STK33: variants seen among roughly 807,000 people sequenced by gnomAD.
The protein encoded by STK33 is serine/threonine-protein kinase 33.
A neutral mutation model predicts 58.0 loss-of-function variants in STK33; 52 were observed. That is an observed-to-expected ratio of 0.90 (90% CI 0.72 to 1.13). The LOEUF is 1.13. Ranked by LOEUF, STK33 falls within the 50% of genes most tolerant of loss-of-function variation. The pLI, the probability that STK33 is intolerant of heterozygous loss-of-function variation, is 0.00. For missense variants in STK33, 630 were observed against 604.2 expected, an observed-to-expected ratio of 1.04 and a Z score of -0.45; for synonymous variants, 215 against 200.1, an observed-to-expected ratio of 1.07 and a Z score of -0.63.
chr11:8,354,573 A>G, the STK33 span, among the ~76,000 whole-genome samples: 1 of 151,270 alleles, frequency 6.6e-6, no homozygotes, highest in Admixed American at 6.6e-5. Context: ...CAGGTCTAGG[A>G]AGCAACTGGG....
Position 8,473,350 on chromosome 11 carries a change from T to C in STK33, c.226-74A>G, listed in dbSNP as rs531312221. 8.0e-6 allele frequency: 7 copies of C among 870,878 alleles called. No individual in the cohort carries two copies. In the African/African-American group the frequency reaches 1.2e-4, roughly 15 times the overall value. 53.9% of individuals were successfully genotyped at this position (870,878 alleles called of 1,614,324 possible). ...TCTTTGTTGACAAAGAATCCTAATT[T>C]AGATAATCTGATAACTCTTTAACGT... On this transcript the variant is annotated intron_variant, in intron 5 of 15. Coordinates refer to ENST00000687296, the MANE Select transcript of STK33 (RefSeq NM_001352389.2).
chr11:8,354,516 A>ACACACACACACACACACACACACC, the STK33 span, among the ~76,000 whole-genome samples: 6 of 127,654 alleles, frequency 4.7e-5, no homozygotes, highest in South Asian at 5.3e-4. Context: ...ACACACACAC[A>ACACACACACACACACACACACACC]CCCCTCAGAC....
intron 1 of STK33, among the ~76,000 whole-genome samples, chr11:8,525,107 G>GA (rs1402628698): frequency 6.6e-6 from 1 of 152,052 alleles, no homozygotes; most frequent in Non-Finnish European, 1.5e-5. Flanking sequence ...TAATATAAAA[G>GA]AATATGTAAA....
intron 14 of STK33, 78 bp from the exon 15 acceptor site, chr11:8,413,770 G>C: frequency 7.7e-7 from 1 of 1,298,532 alleles, no homozygotes; most frequent in South Asian, 1.3e-5. Flanking sequence ...TAGCGAGACA[G>C]TCTCCCAAAT....
At chr11:8,543,188 T>C (rs1327431149) in intron 1 of STK33, among the ~76,000 whole-genome samples, 1 of 152,134 alleles carries the variant, frequency 6.6e-6, no homozygotes, top group Non-Finnish European at 1.5e-5. Context: ...TATGATATGG[T>C]TTTCCAAGGA....
the STK33 span, among the ~76,000 whole-genome samples, chr11:8,341,924 C>T: frequency 2.0e-5 from 3 of 152,328 alleles, no homozygotes; most frequent in East Asian, 1.9e-4. Flanking sequence ...ACAGCAAAGC[C>T]AAACACTGAC....
the STK33 span, among the ~76,000 whole-genome samples, chr11:8,342,448 G>T: frequency 3.3e-5 from 5 of 152,218 alleles, no homozygotes; most frequent in African/African-American, 4.8e-5. Flanking sequence ...CCATCATTTT[G>T]TGACTCTGTC....
At chr11:8,337,628 T>C in the STK33 span, among the ~76,000 whole-genome samples, 1 of 96,088 alleles carries the variant, frequency 1.0e-5, no homozygotes, top group Admixed American at 1.5e-4. Context: ...CAGAGGGAGC[T>C]TGACGACGGC....
At chr11:8,522,438 C>T (rs1354975413) in intron 1 of STK33, among the ~76,000 whole-genome samples, 2 of 148,908 alleles carry the variant, frequency 1.3e-5, no homozygotes, top group African/African-American at 2.5e-5. Context: ...AACAGTTGGA[C>T]ACAGGGTGGG....
At chr11:8,504,972 G>A (rs1951768934) in intron 1 of STK33, among the ~76,000 whole-genome samples, 1 of 152,148 alleles carries the variant, frequency 6.6e-6, no homozygotes, top group Non-Finnish European at 1.5e-5. Flanking sequence ...ACAATGGTGT[G>A]TTCATGCACA....
At chr11:8,420,620 G>A (rs776378187) in intron 14 of STK33, among the ~76,000 whole-genome samples, 2 of 152,114 alleles carry the variant, frequency 1.3e-5, no homozygotes, top group Non-Finnish European at 2.9e-5. Context: ...TATCACCTGA[G>A]GTGACTGCTA....
At chr11:8,335,610 C>T in the STK33 span, among the ~76,000 whole-genome samples, 1 of 152,180 alleles carries the variant, frequency 6.6e-6, no homozygotes, top group Non-Finnish European at 1.5e-5. Context: ...TCTGAGACTG[C>T]GTAGGCCAGC....
rs143698577 is a variant in STK33 at position 8,562,072 on chromosome 11, T to C, written c.-466+32011A>G. 3.0e-3 allele frequency among the ~76,000 whole-genome samples: 458 copies of C among 152,336 alleles called. 1 individual carries two copies. The highest frequency in any genetic ancestry group is 6.8e-3 in the Middle Eastern group (2 of 294). ...CCTTAACTCCAATTTCTAAAAATTC[T>C]ATGTTCCCCTTCAATTTCTTTAAGT... On this transcript the variant is annotated intron_variant, in intron 1 of 15. Transcript: ENST00000687296.
chr11:8,456,049 C>G (rs1383610539), intron 9 of STK33, among the ~76,000 whole-genome samples: 10 of 152,146 alleles, frequency 6.6e-5, no homozygotes, highest in Admixed American at 5.2e-4. Flanking sequence ...GATCTCCCTG[C>G]TGCCTCCATT....
intron 1 of STK33, among the ~76,000 whole-genome samples, chr11:8,509,322 G>C (rs1952124256): frequency 6.6e-6 from 1 of 152,024 alleles, no homozygotes; most frequent in Admixed American, 6.6e-5. Context: ...CTATAACTTT[G>C]TATGTGTAGA....
At chr11:8,432,523 A>T (rs1943544017) in intron 14 of STK33, among the ~76,000 whole-genome samples, 1 of 152,192 alleles carries the variant, frequency 6.6e-6, no homozygotes, top group Admixed American at 6.5e-5. Context: ...TTTATTTGAA[A>T]TTCCATTCCC....
chr11:8,469,898 A>C (rs1408429151), intron 6 of STK33, among the ~76,000 whole-genome samples: 1 of 152,260 alleles, frequency 6.6e-6, no homozygotes, highest in African/African-American at 2.4e-5. Flanking sequence ...TGTGGGCTTA[A>C]AATTTCAGTA....
chr11:8,456,242 C>T (rs1946847099), intron 9 of STK33, among the ~76,000 whole-genome samples: 1 of 152,162 alleles, frequency 6.6e-6, no homozygotes, highest in African/African-American at 2.4e-5. Flanking sequence ...AGAAAGCCTG[C>T]CTTTTTAATT....
At chr11:8,558,517 G>T (rs1254408225) in intron 1 of STK33, among the ~76,000 whole-genome samples, 2 of 152,048 alleles carry the variant, frequency 1.3e-5, no homozygotes, top group African/African-American at 2.4e-5. Flanking sequence ...AAAACCTGAA[G>T]TTTACTTATA....
Sources: allele counts gnomAD v4.1 joint callset (sites outside exome capture counted in the v4.1 genomes callset), GRCh38; gene constraint gnomAD v4.1.1; transcripts MANE v1.5; gene names NCBI Gene and HGNC (gene_info 2026-07-23, HGNC 2026-07-21).